Variants in LRP5 observed in about 807,000 individuals in gnomAD.
The protein encoded by LRP5 is low-density lipoprotein receptor-related protein 5.
A neutral mutation model predicts 154.1 loss-of-function variants in LRP5; 62 were observed. That is an observed-to-expected ratio of 0.40 (90% CI 0.33 to 0.50). LRP5 has a LOEUF of 0.50. LRP5 is among the 20% of genes least tolerant of loss of function. The pLI is 0.55. For missense variants in LRP5, 1,915 were observed against 2,336.7 expected (o/e 0.82, Z 3.72); for synonymous variants, 966 against 1,011.5 (o/e 0.96, Z 0.85).
chr11:68,414,032 C>T lies in LRP5; in HGVS notation c.2827+20C>T, dbSNP rs1449278918. ...GCAGCCGTAAGTGCCTCATGGTCCCCCGCACCTCACTCCCTCGTTAGATCA... is the reference window on the plus strand; with the variant it reads ...GCAGCCGTAAGTGCCTCATGGTCCCTCGCACCTCACTCCCTCGTTAGATCA... On this transcript the variant is annotated intron_variant, in intron 12 of 22. Coordinates refer to ENST00000294304, the MANE Select transcript of LRP5 (RefSeq NM_002335.4). The T allele has an allele frequency of 1.9e-6, 3 of 1,597,000 alleles. No individual in the cohort carries two copies. Among genetic ancestry groups the T allele is most frequent in the Non-Finnish European group, 2.6e-6 (3 of 1,176,230 alleles).
intron 9 of LRP5, among the ~76,000 whole-genome samples, chr11:68,407,853 A>C (rs1211684173): frequency 1.3e-5 from 2 of 152,050 alleles, no homozygotes; most frequent in African/African-American, 2.4e-5. Flanking sequence ...GTCTCAGAAA[A>C]AAAAAAGTTT....
At chr11:68,426,322 T>C (rs1018360340) in intron 16 of LRP5, 135 bp downstream of exon 16, 2 of 718,926 alleles carry the variant, frequency 2.8e-6, no homozygotes, top group African/African-American at 1.8e-5. Context: ...TGTTGCCCGC[T>C]GGGGTTCAGC....
At chr11:68,428,224 G>A (rs982601755) in intron 16 of LRP5, among the ~76,000 whole-genome samples, 1 of 151,848 alleles carries the variant, frequency 6.6e-6, no homozygotes, top group Admixed American at 6.6e-5. Flanking sequence ...TCAACTCCTA[G>A]CCTCAGGTGA....
rs576462333 is a variant in LRP5, at chr11:68,341,059, C to CTTTTTTTTTTTTTTTTTTTTTTTT, written c.92-6769_92-6768insTTTTTTTTTTTTTTTTTTTTTTTT. ...GTTACCCCTGCCGCTGGAGATTGTT[C>CTTTTTTTTTTTTTTTTTTTTTTTT]TTTTTTTTTTTTTTTTTTTGCTATT... is the stretch of plus-strand genomic sequence containing the variant. On this transcript the variant is annotated intron_variant, in intron 1 of 22. Coordinates refer to ENST00000294304, the MANE Select transcript of LRP5 (RefSeq NM_002335.4). Among the ~76,000 whole-genome samples the CTTTTTTTTTTTTTTTTTTTTTTTT allele has an allele frequency of 9.6e-5, 8 of 83,478 alleles. 1 individual carries two copies. Among genetic ancestry groups the CTTTTTTTTTTTTTTTTTTTTTTTT allele is most frequent in the Admixed American group, 4.8e-4 (3 of 6,278 alleles). 54.8% of individuals were successfully genotyped at this position (83,478 alleles called of 152,430 possible).
At position 68,357,024 on chromosome 11, in the gene LRP5, C is replaced by G. The variant is rs576572960; in HGVS notation, c.489-626C>G. Among the ~76,000 whole-genome samples the G allele has an allele frequency of 5.9e-5, 9 of 152,114 alleles. No homozygotes were observed. The East Asian group carries it at 1.4e-3, about 23-fold the overall frequency. On this transcript the variant is annotated intron_variant, in intron 2 of 22. Transcript: ENST00000294304. ...GATTTCTGCTCACTGCAACCTCCCC[C>G]TCCCGGGTTCAAATGATTCTCCTGC...
the LRP5 span, among the ~76,000 whole-genome samples, chr11:68,305,242 A>G: frequency 6.6e-6 from 1 of 151,602 alleles, no homozygotes; most frequent in African/African-American, 2.4e-5. Context: ...AAAAGTGTGC[A>G]CACCTCCCTG....
In LRP5 at chr11:68,408,276, A is replaced by G. The variant is rs867493459; in HGVS notation, c.2091+1463A>G. Among the ~76,000 whole-genome samples, 11 of 109,536 alleles carry G rather than the reference A, an allele frequency of 1.0e-4. No homozygotes were observed. In the East Asian group the frequency reaches 2.5e-3, roughly 25 times the overall value. 71.9% of individuals were successfully genotyped at this position (109,536 alleles called of 152,430 possible). ...TTTTTTTTTTTTTTTTTGGGGAGAC[A>G]GGGTTTCCGCATGTTGCCCAGGCTG... On this transcript the variant is annotated intron_variant, in intron 9 of 22. Coordinates refer to ENST00000294304, the MANE Select transcript of LRP5 (RefSeq NM_002335.4).
chr11:68,317,091 G>A (rs2098593867), intron 1 of LRP5, among the ~76,000 whole-genome samples: 1 of 152,220 alleles, frequency 6.6e-6, no homozygotes, highest in Non-Finnish European at 1.5e-5. Context: ...CTGTCCTGGG[G>A]CCAGTGAGGT....
At chr11:68,301,563 A>G in the LRP5 span, among the ~76,000 whole-genome samples, 1 of 149,472 alleles carries the variant, frequency 6.7e-6, no homozygotes, top group Admixed American at 6.7e-5. Flanking sequence ...TCCTGAGAAC[A>G]TTCTGCCACA....
In LRP5 at chr11:68,438,482, A is replaced by G; in HGVS notation, c.4148A>G (p.His1383Arg). Residue 1383 changes from histidine (H) to arginine (R), a missense_variant, in exon 20 of 23, where the codon CAC (histidine) becomes CGC (arginine). By Grantham distance (29) the His-to-Arg change is conservative. Transcript: ENST00000294304. ...CCGCCCTCAGACGACAGCCCGGCCC[A>G]CAGCAGTGCCATCGGGCCCGTCATT... ...TKPPSDDSPA[H>R]SSAIGPVIGI... 6.2e-7 allele frequency: 1 copy of G among 1,614,204 alleles called. No homozygotes were observed. The highest frequency in any genetic ancestry group is 8.5e-7 in the Non-Finnish European group (1 of 1,180,040).
chr11:68,359,578 C>T (rs2098625977), intron 3 of LRP5, among the ~76,000 whole-genome samples: 1 of 152,124 alleles, frequency 6.6e-6, no homozygotes. Context: ...GTGGCGGCAG[C>T]GAATCCTTCC....
chr11:68,435,441 G>T (rs149819080), intron 18 of LRP5, among the ~76,000 whole-genome samples: 1 of 152,020 alleles, frequency 6.6e-6, no homozygotes. Context: ...GGTGAAAGTC[G>T]AAGCGGGAGC....
At chr11:68,448,147 G>GT (rs1328826697) in intron 22 of LRP5, among the ~76,000 whole-genome samples, 3 of 152,118 alleles carry the variant, frequency 2.0e-5, no homozygotes, top group Non-Finnish European at 2.9e-5. Context: ...AGCGAAAGGG[G>GT]TTTCCCCTTG....
chr11:68,300,752 A>C, the LRP5 span, among the ~76,000 whole-genome samples: 1 of 149,376 alleles, frequency 6.7e-6, no homozygotes, highest in South Asian at 2.1e-4. Flanking sequence ...ACAGCACCTC[A>C]AGCAGTCCAG....
chr11:68,444,448 C>T (rs2098680346), intron 21 of LRP5, among the ~76,000 whole-genome samples: 1 of 152,080 alleles, frequency 6.6e-6, no homozygotes, highest in African/African-American at 2.4e-5. Flanking sequence ...ACCTGGGAGG[C>T]AGAGGTTGTA....
upstream of LRP5, among the ~76,000 whole-genome samples, chr11:68,308,780 G>A (rs948747918): frequency 2.0e-5 from 3 of 150,546 alleles, no homozygotes; most frequent in African/African-American, 7.3e-5. Context: ...ATGGAGTCTT[G>A]CTCTGTCGCC....
intron 1 of LRP5, among the ~76,000 whole-genome samples, chr11:68,338,867 G>GTTTTTTTTTTTTTTTTT (rs11382677): frequency 2.2e-5 from 2 of 91,940 alleles, no homozygotes; most frequent in Non-Finnish European, 3.7e-5. Flanking sequence ...CTTTTGTTTA[G>GTTTTTTTTTTTTTTTTT]TTTTTTTTTT....
intron 2 of LRP5, among the ~76,000 whole-genome samples, chr11:68,350,986 TTG>T (rs1295732652): frequency 6.6e-6 from 1 of 151,870 alleles, no homozygotes; most frequent in African/African-American, 2.4e-5. Context: ...GAGTGGATAT[TTG>T]TGTGTGTATG....
chr11:68,439,484 CCTGT>C lies in LRP5; in HGVS notation c.4349-288_4349-285del, dbSNP rs2098676918. On this transcript the variant is annotated intron_variant, in intron 20 of 22. Coordinates refer to ENST00000294304, the MANE Select transcript of LRP5 (RefSeq NM_002335.4). ...CGCAGCAGCCCCCAGAGAACGCGGC[CCTGT>C]CTGTTCCTGGCGTGCTCTGTGCTGC... Among the ~76,000 whole-genome samples, 11 of 152,294 alleles carry C rather than the reference CCTGT, an allele frequency of 7.2e-5. No homozygotes were observed. The South Asian group carries it at 2.3e-3, about 32-fold the overall frequency.
Sources: gnomAD v4.1 joint callset for allele counts (sites outside exome capture counted in the v4.1 genomes callset) on GRCh38, gnomAD v4.1.1 for gene constraint, MANE v1.5 for transcripts, NCBI Gene and HGNC (gene_info 2026-07-23, HGNC 2026-07-21) for gene names.